The following SEL1L2 variants were observed in gnomAD, a reference collection of about 807,000 sequenced individuals.
The protein encoded by SEL1L2 is SEL1L2 adaptor subunit of SYVN1 ubiquitin ligase, also known as protein sel-1 homolog 2.
SEL1L2 carries 89 observed loss-of-function variants against 98.8 expected under a neutral mutation model. The observed-to-expected ratio is 0.90, with a 90% confidence interval of 0.76 to 1.07. The LOEUF is 1.07. Ranked by LOEUF, SEL1L2 falls within the 50% of genes least tolerant of loss-of-function variation. The pLI is 0.00. For missense variants in SEL1L2, 788 were observed against 812.0 expected (o/e 0.97, Z 0.36); for synonymous variants, 262 against 278.5 (o/e 0.94, Z 0.59).
chr20:13,868,776 T>A (rs2147843252), intron 14 of SEL1L2, among the ~76,000 whole-genome samples: 1 of 152,022 alleles, frequency 6.6e-6, no homozygotes, highest in African/African-American at 2.4e-5. Context: ...CCAGGCTAAT[T>A]TTTGTATTTT....
intron 1 of SEL1L2, among the ~76,000 whole-genome samples, chr20:13,969,974 T>C (rs1227587152): frequency 6.6e-6 from 1 of 152,200 alleles, no homozygotes; most frequent in Non-Finnish European, 1.5e-5. Context: ...CACTCATATA[T>C]TGAATTTTAT....
At chr20:13,990,144 C>T (rs2052469277) in intron 1 of SEL1L2, among the ~76,000 whole-genome samples, 1 of 152,092 alleles carries the variant, frequency 6.6e-6, no homozygotes, top group Non-Finnish European at 1.5e-5. Context: ...TGGAACTAGA[C>T]CTTTATGATA....
chr20:13,929,971 G>T (rs1337816040), intron 3 of SEL1L2, among the ~76,000 whole-genome samples: 2 of 151,926 alleles, frequency 1.3e-5, no homozygotes, highest in Non-Finnish European at 2.9e-5. Context: ...TTGTAATTTT[G>T]GTAGAGACAA....
At chr20:13,939,854 A>T (rs1341097877) in intron 2 of SEL1L2, among the ~76,000 whole-genome samples, 2 of 152,040 alleles carry the variant, frequency 1.3e-5, no homozygotes, top group Non-Finnish European at 2.9e-5. Flanking sequence ...TTTAGTAGAG[A>T]TGGGGTTTCG....
rs148534230 is a variant in SEL1L2, at chr20:13,972,609, T to C, written c.59-16478A>G. Among the ~76,000 whole-genome samples, 19 of 152,186 alleles carry C rather than the reference T, an allele frequency of 1.2e-4. No individual in the cohort carries two copies. The East Asian group carries it at 3.5e-3, about 28-fold the overall frequency. ...GTGATAAATTTTCTGAATCCATTCA[T>C]GTATGAAAATGTCTCATGTTTGAAA... is the stretch of plus-strand genomic sequence containing the variant. On this transcript the variant is annotated intron_variant, in intron 1 of 19. Coordinates refer to ENST00000284951, the MANE Select transcript of SEL1L2 (RefSeq NM_025229.2).
chr20:13,956,242 A>G, intron 1 of SEL1L2, 111 bp from the exon 2 acceptor site: 1 of 587,314 alleles, frequency 1.7e-6, no homozygotes. Context: ...GAACTCTAAG[A>G]ATAATTGTTG....
intron 1 of SEL1L2, among the ~76,000 whole-genome samples, chr20:13,987,602 C>T (rs1355512462): frequency 2.6e-5 from 4 of 152,084 alleles, no homozygotes; most frequent in Admixed American, 1.3e-4. Flanking sequence ...CCTGCCTCAG[C>T]CTCCCAAAGT....
chr20:13,958,675 G>A (rs1275259513), intron 1 of SEL1L2, among the ~76,000 whole-genome samples: 3 of 151,964 alleles, frequency 2.0e-5, no homozygotes, highest in East Asian at 1.9e-4. Flanking sequence ...GGTGGCTCAC[G>A]CCTGTAATCC....
intron 1 of SEL1L2, among the ~76,000 whole-genome samples, chr20:13,972,905 G>C (rs73900778): frequency 0.16 from 24,134 of 151,952 alleles, 2,064 homozygotes; most frequent in Admixed American, 0.22. Context: ...GCACAAAGTG[G>C]GCCTTAATGT....
chr20:13,876,955 C>T (rs1255949020), intron 11 of SEL1L2, among the ~76,000 whole-genome samples: 1 of 152,162 alleles, frequency 6.6e-6, no homozygotes, highest in Admixed American at 6.5e-5. Flanking sequence ...TCCCAAGTAG[C>T]TGGGATTACA....
chr20:13,864,559 C>A (rs1407677908), intron 17 of SEL1L2, among the ~76,000 whole-genome samples: 2 of 152,174 alleles, frequency 1.3e-5, no homozygotes, highest in East Asian at 3.9e-4. Context: ...CTTTTCCCAC[C>A]ACTGGTATCT....
intron 2 of SEL1L2, among the ~76,000 whole-genome samples, chr20:13,938,981 C>T (rs1489275661): frequency 6.8e-6 from 1 of 147,854 alleles, no homozygotes; most frequent in African/African-American, 2.5e-5. Flanking sequence ...AATCAGTAAA[C>T]ATCATTTGTT....
At chr20:13,969,914 CT>C in intron 1 of SEL1L2, among the ~76,000 whole-genome samples, 1 of 152,232 alleles carries the variant, frequency 6.6e-6, no homozygotes, top group Middle Eastern at 3.4e-3. Flanking sequence ...ATCATCCGTT[CT>C]TGGTACATCT....
At chr20:13,868,527 G>T (rs2046031753) in intron 14 of SEL1L2, among the ~76,000 whole-genome samples, 1 of 151,776 alleles carries the variant, frequency 6.6e-6, no homozygotes, top group African/African-American at 2.4e-5. Flanking sequence ...TTGGCATGCG[G>T]CTTCCACCCC....
At chr20:13,991,708 G>A (rs1312550218), upstream of SEL1L2, among the ~76,000 whole-genome samples, 1 of 152,102 alleles carries the variant, frequency 6.6e-6, no homozygotes, top group Non-Finnish European at 1.5e-5. Context: ...GATCCTTAAT[G>A]TTGGCTGGGC....
intron 17 of SEL1L2, among the ~76,000 whole-genome samples, chr20:13,860,048 T>G (rs532626140): frequency 6.6e-6 from 1 of 152,292 alleles, no homozygotes; most frequent in East Asian, 1.9e-4. Flanking sequence ...ACCTTTTAAT[T>G]TTTTTAAGTA....
chr20:13,911,287 T>G (rs2148174232), intron 5 of SEL1L2, among the ~76,000 whole-genome samples: 1 of 152,352 alleles, frequency 6.6e-6, no homozygotes, highest in East Asian at 1.9e-4. Flanking sequence ...ATAGTAGCTA[T>G]CCAAGAAACA....
chr20:13,904,815 A>G (rs1243363922), intron 5 of SEL1L2, among the ~76,000 whole-genome samples: 1 of 152,250 alleles, frequency 6.6e-6, no homozygotes, highest in Admixed American at 6.5e-5. Flanking sequence ...AGTTATGCAG[A>G]AACACTGACG....
At chr20:13,876,406 C>CTTTT (rs11087067) in intron 11 of SEL1L2, among the ~76,000 whole-genome samples, 7 of 101,924 alleles carry the variant, frequency 6.9e-5, no homozygotes, top group African/African-American at 1.4e-4. Flanking sequence ...CTCTCTCTCT[C>CTTTT]TTTTTTTTTT....
Sources: gnomAD v4.1 joint callset for allele counts (sites outside exome capture counted in the v4.1 genomes callset) on GRCh38, gnomAD v4.1.1 for gene constraint, MANE v1.5 for transcripts, NCBI Gene and HGNC (gene_info 2026-07-23, HGNC 2026-07-21) for gene names.